PSG3: variants seen among roughly 807,000 people sequenced by gnomAD.
The protein encoded by PSG3 is pregnancy specific beta-1-glycoprotein 3.
A neutral mutation model predicts 47.5 loss-of-function variants in PSG3; 61 were observed. That is an observed-to-expected ratio of 1.28 (90% CI 1.05 to 1.59). The LOEUF is 1.59. Ranked by LOEUF, PSG3 falls within the 40% of genes most tolerant of loss-of-function variation. The probability of loss-of-function intolerance (pLI) is 0.00; values close to 1 mark genes in which losing one functional copy is unlikely to be tolerated. For synonymous variants in PSG3, 263 were observed against 198.4 expected (o/e 1.33, Z -2.74); for missense variants, 756 against 524.0 (o/e 1.44, Z -4.32).
Position 42,729,982 on chromosome 19 carries a change from A to G in PSG3, c.784T>C (p.Cys262Arg), listed in dbSNP as rs768527416. The change falls in exon 4 of 7, where the codon TGT (cysteine) becomes CGT (arginine). Residue 262 changes from cysteine (C) to arginine (R), a missense_variant. By Grantham distance (180) the Cys-to-Arg change is radical. Transcript: ENST00000327495. ...RENKDVLAFT[C>R]EPKSENYTYI... ...GTGTAGTTCTCACTCTTAGGTTCAC[A>G]GGTGAAGGCTAAGACATCCTTATTC... 1.9e-6 allele frequency: 3 copies of G among 1,612,154 alleles called. No homozygotes were observed. The African/African-American group carries it at 4.0e-5, about 22-fold the overall frequency.
rs1600375817 is a variant in PSG3, at chr19:42,721,964, C to T, written c.*167G>A. On this transcript the variant is annotated 3_prime_UTR_variant, in exon 7 of 7. Transcript: ENST00000327495. ...AAAGTTCTTAGTCCAGTGGTATGAT[C>T]TTGAAGTTATCAGGAACTTGTATTC... is the stretch of plus-strand genomic sequence containing the variant. 10 of 416,242 alleles carry T rather than the reference C, an allele frequency of 2.4e-5. No homozygotes were observed. In the East Asian group the frequency reaches 3.2e-4, roughly 13 times the overall value. 25.8% of individuals were successfully genotyped at this position (416,242 alleles called of 1,614,324 possible).
chr19:42,727,912 T>A (rs1401492290), intron 5 of PSG3, among the ~76,000 whole-genome samples: 1 of 152,228 alleles, frequency 6.6e-6, no homozygotes, highest in African/African-American at 2.4e-5. Flanking sequence ...ATGAGGTGTA[T>A]CTATACATTG....
In PSG3 at chr19:42,730,031, G is replaced by A; in HGVS notation, c.735C>T (p.Thr245=). ...LLPKLPKPYI[T]INNLNPRENK... Reference sequence around the variant, plus strand: ...TCTCCCTGGGGTTTAAGTTGTTGATGGTGATGTAGGGCTTGGGCAGCTTCG... The same window carrying A: ...TCTCCCTGGGGTTTAAGTTGTTGATAGTGATGTAGGGCTTGGGCAGCTTCG... Residue 245 remains threonine, a synonymous_variant, in exon 4 of 7, where the codon ACC becomes ACT. Transcript: ENST00000327495. 6.2e-7 allele frequency: 1 copy of A among 1,612,618 alleles called. No individual in the cohort carries two copies. Among genetic ancestry groups the A allele is most frequent in the Non-Finnish European group, 8.5e-7 (1 of 1,179,848 alleles).
intron 5 of PSG3, among the ~76,000 whole-genome samples, chr19:42,724,591 T>A (rs8111662): frequency 1.3e-5 from 2 of 152,186 alleles, no homozygotes; most frequent in Non-Finnish European, 2.9e-5. Context: ...AAAACTCTTA[T>A]AATTGAATTG....
chr19:42,735,230 CT>C (rs560050594), intron 2 of PSG3, among the ~76,000 whole-genome samples: 2 of 152,288 alleles, frequency 1.3e-5, no homozygotes, highest in African/African-American at 4.8e-5. Context: ...TGTTGTTCCA[CT>C]TTTTTTCCCC....
Position 42,739,104 on chromosome 19 carries a change from G to C in PSG3, c.65-15C>G, listed in dbSNP as rs778817938. ...TAAAAGTAATGCTAGGAGGTGGAGAGAGCATCAGTCAATATTGAGACCTAT... is the reference window on the plus strand; with the variant it reads ...TAAAAGTAATGCTAGGAGGTGGAGACAGCATCAGTCAATATTGAGACCTAT... On this transcript the variant is annotated splice_polypyrimidine_tract_variant and intron_variant, in intron 1 of 6. Transcript: ENST00000327495. 14 of 1,589,038 alleles carry C rather than the reference G, an allele frequency of 8.8e-6. No homozygotes were observed. The East Asian group carries it at 1.8e-4, about 20-fold the overall frequency.
chr19:42,735,587 C>T (rs1223999804), intron 2 of PSG3, among the ~76,000 whole-genome samples: 1 of 152,166 alleles, frequency 6.6e-6, no homozygotes, highest in African/African-American at 2.4e-5. Flanking sequence ...AGGATGGTCT[C>T]CATCTCCTGA....
chr19:42,729,943 G>T lies in PSG3; in HGVS notation c.823C>A (p.Leu275Ile). 1 of 1,612,160 alleles carries T rather than the reference G, an allele frequency of 6.2e-7. No individual in the cohort carries two copies. Among genetic ancestry groups the T allele is most frequent in the South Asian group, 1.1e-5 (1 of 90,982 alleles). ...KSENYTYIWWLNGQSLPVSPR... is the reference protein window; with the variant it reads ...KSENYTYIWWINGQSLPVSPR... ...CTGACCGGGAGGCTCTGACCATTTAGCCACCAAATGTAGGTGTAGTTCTCA... is the reference window on the plus strand; with the variant it reads ...CTGACCGGGAGGCTCTGACCATTTATCCACCAAATGTAGGTGTAGTTCTCA... The change falls in exon 4 of 7, where the codon CTA becomes ATA. Residue 275 changes from leucine to isoleucine, a missense_variant. Leu to Ile is a conservative substitution (Grantham distance 5, BLOSUM62 2). Transcript: ENST00000327495.
At chr19:42,733,281 T>G in intron 2 of PSG3, 1 of 1,052,710 alleles carries the variant, frequency 9.5e-7, no homozygotes, top group South Asian at 1.8e-5. Flanking sequence ...CTTTCTTAAC[T>G]GTGAATTGAG....
At chr19:42,733,245 C>A (rs1415400260) in intron 2 of PSG3, 183 bp from the exon 3 acceptor site, 11 of 1,312,220 alleles carry the variant, frequency 8.4e-6, no homozygotes, top group Non-Finnish European at 5.1e-6. Flanking sequence ...TGTGAGGCTG[C>A]CTGCTTCGTG....
intron 1 of PSG3, chr19:42,739,388 G>C: frequency 2.7e-6 from 1 of 376,238 alleles, no homozygotes; most frequent in Non-Finnish European, 4.7e-6. Context: ...ACTGCCCTCA[G>C]GTCCTGCTCA....
Position 42,729,220 on chromosome 19 carries a change from G to A in PSG3, c.1146C>T (p.Pro382=), listed in dbSNP as rs554345233. ...FQLSGQKLFI[P]QITTKHSGLY... is the part of the protein sequence containing the mutation. ...GCCCGCTATGCTTTGTAGTAATCTG[G>A]GGGATAAAGAGCTTTTGTCCTGATA... The change falls in exon 5 of 7, where the codon CCC becomes CCT. Residue 382 remains proline (P), a synonymous_variant. Transcript: ENST00000327495. 2.2e-5 allele frequency: 36 copies of A among 1,613,968 alleles called. No individual in the cohort carries two copies. Among genetic ancestry groups the A allele is most frequent in the African/African-American group, 2.1e-4 (16 of 75,008 alleles).
rs560050594 is a variant in PSG3 at position 42,735,230 on chromosome 19, C to CT, written c.431-2169dup. Among the ~76,000 whole-genome samples the CT allele has an allele frequency of 1.5e-3, 227 of 152,290 alleles. 1 individual carries two copies. Among genetic ancestry groups the CT allele is most frequent in the Middle Eastern group, 0.01 (3 of 294 alleles). ...AATATGAAGTTGAAATGTTGTTCCA[C>CT]TTTTTTTCCCCACTCTTGTTGAACT... On this transcript the variant is annotated intron_variant, in intron 2 of 6. Transcript: ENST00000327495.
chr19:42,725,624 T>G (rs546697039), intron 5 of PSG3, among the ~76,000 whole-genome samples: 1 of 152,136 alleles, frequency 6.6e-6, no homozygotes, highest in Admixed American at 6.5e-5. Flanking sequence ...CTTTGGGAAG[T>G]CACAGCAGAA....
chr19:42,723,864 G>A (rs768358697), intron 6 of PSG3, 78 bp downstream of exon 6: 52 of 1,167,538 alleles, frequency 4.5e-5, no homozygotes, highest in Admixed American at 7.1e-5. Flanking sequence ...CCCAGATACA[G>A]GCAAATAAGT....
At chr19:42,722,943 G>A (rs1268398647) in intron 6 of PSG3, among the ~76,000 whole-genome samples, 1 of 152,076 alleles carries the variant, frequency 6.6e-6, no homozygotes, top group East Asian at 1.9e-4. Flanking sequence ...TAATGGGTGG[G>A]GCTTGAGCAT....
At chr19:42,738,656 G>A in intron 2 of PSG3, 68 bp downstream of exon 2, 1 of 1,611,964 alleles carries the variant, frequency 6.2e-7, no homozygotes, top group Non-Finnish European at 8.5e-7. Context: ...ATCCAGGCCT[G>A]ACAATCCTTT....
At chr19:42,740,099 C>T (rs1019566510) in intron 1 of PSG3, among the ~76,000 whole-genome samples, 1 of 152,060 alleles carries the variant, frequency 6.6e-6, no homozygotes, top group Admixed American at 6.6e-5. Context: ...ATTACTGGAG[C>T]ACACCACAAT....
intron 5 of PSG3, among the ~76,000 whole-genome samples, chr19:42,725,903 A>AAAAAAAAAAAAAAAAAAAAAAAC (rs1969370350): frequency 6.6e-6 from 1 of 150,964 alleles, no homozygotes; most frequent in African/African-American, 2.4e-5. Flanking sequence ...AAAAAAAAAA[A>AAAAAAAAAAAAAAAAAAAAAAAC]AAAAAAGAAA....
Sources: gnomAD v4.1 joint callset for allele counts (sites outside exome capture counted in the v4.1 genomes callset) on GRCh38, gnomAD v4.1.1 for gene constraint, MANE v1.5 for transcripts, NCBI Gene and HGNC (gene_info 2026-07-23, HGNC 2026-07-21) for gene names.